Variants in CD44 observed in about 807,000 individuals in gnomAD.
CD44 encodes the protein CD44 antigen.
CD44 carries 49 observed loss-of-function variants against 88.8 expected under a neutral mutation model. That is an observed-to-expected ratio of 0.55 (90% CI 0.44 to 0.70). The LOEUF (loss-of-function observed/expected upper bound fraction) is 0.70. Ranked by LOEUF, CD44 falls within the 30% of genes least tolerant of loss-of-function variation. The pLI is 0.00. For synonymous variants in CD44, 325 were observed against 312.3 expected, an observed-to-expected ratio of 1.04 and a Z score of -0.43; for missense variants, 883 against 913.8, an observed-to-expected ratio of 0.97 and a Z score of 0.43.
intron 1 of CD44, among the ~76,000 whole-genome samples, chr11:35,158,470 T>C (rs897602454): frequency 6.6e-6 from 1 of 152,208 alleles, no homozygotes; most frequent in African/African-American, 2.4e-5. Context: ...AAAATAGAGT[T>C]GTAATATACC....
chr11:35,162,211 C>T (rs974178214), intron 1 of CD44, among the ~76,000 whole-genome samples: 1 of 152,102 alleles, frequency 6.6e-6, no homozygotes, highest in African/African-American at 2.4e-5. Context: ...ACTAATGGTG[C>T]TTTAAGAGGC....
intron 17 of CD44, among the ~76,000 whole-genome samples, chr11:35,224,436 C>T (rs1949549073): frequency 1.3e-5 from 2 of 152,114 alleles, no homozygotes; most frequent in African/African-American, 4.8e-5. Flanking sequence ...GAAGATTTTC[C>T]TTTAAAGAAT....
intron 1 of CD44, among the ~76,000 whole-genome samples, chr11:35,151,179 G>A (rs1026789287): frequency 6.6e-6 from 1 of 152,130 alleles, no homozygotes; most frequent in African/African-American, 2.4e-5. Context: ...TTAAAGTGGG[G>A]GAATAAGAAT....
At chr11:35,150,147 C>T (rs1038635193) in intron 1 of CD44, among the ~76,000 whole-genome samples, 1 of 152,208 alleles carries the variant, frequency 6.6e-6, no homozygotes, top group Non-Finnish European at 1.5e-5. Flanking sequence ...CTCAGAGCTT[C>T]ATGAGCACCT....
chr11:35,197,032 TGC>T lies in CD44; in HGVS notation c.796+159_796+160del. The T allele has an allele frequency of 4.5e-6, 3 of 665,142 alleles. No homozygotes were observed. The Admixed American group carries it at 8.4e-5, about 19-fold the overall frequency. 41.2% of individuals were successfully genotyped at this position (665,142 alleles called of 1,614,324 possible). ...TCATTAACTCTGGTATCTGTTTGTTTGCTTGTATGGCACCAATAAGCAGATTT... is the reference window on the plus strand; with the variant it reads ...TCATTAACTCTGGTATCTGTTTGTTTTTGTATGGCACCAATAAGCAGATTT... On this transcript the variant is annotated intron_variant, in intron 6 of 17. Transcript: ENST00000428726.
At chr11:35,228,738 G>C (rs373044499) in intron 17 of CD44, among the ~76,000 whole-genome samples, 102 of 152,280 alleles carry the variant, frequency 6.7e-4, no homozygotes, top group African/African-American at 2.1e-3. Context: ...TTAGTTGCTG[G>C]TTTGCAAACT....
In CD44 at chr11:35,186,866, C is replaced by T; in HGVS notation, c.402C>T (p.Asp134=). 1 of 1,607,622 alleles carries T rather than the reference C, an allele frequency of 6.2e-7. No homozygotes were observed. The highest frequency in any genetic ancestry group is 8.5e-7 in the Non-Finnish European group (1 of 1,174,148). ...AAGAAGATTGTACATCAGTCACAGA[C>T]CTGCCCAATGCCTTTGATGGACCAA... is the stretch of plus-strand genomic sequence containing the variant. ...PPEEDCTSVT[D]LPNAFDGPIT... The change falls in exon 4 of 18, where the codon GAC becomes GAT. Residue 134 remains aspartate, a synonymous_variant. Coordinates refer to ENST00000428726, the MANE Select transcript of CD44 (RefSeq NM_000610.4).
chr11:35,217,160 G>C (rs1948893596), intron 15 of CD44, among the ~76,000 whole-genome samples: 1 of 152,116 alleles, frequency 6.6e-6, no homozygotes, highest in African/African-American at 2.4e-5. Flanking sequence ...AAGCAGACAG[G>C]AGCCAGTCTC....
At chr11:35,190,097 A>G in intron 5 of CD44, 32 bp downstream of exon 5, 1 of 1,573,328 alleles carries the variant, frequency 6.4e-7, no homozygotes, top group South Asian at 1.1e-5. Flanking sequence ...GCTTCCCAAT[A>G]GCAATTCCCT....
chr11:35,145,501 G>C (rs1014369498), intron 1 of CD44, among the ~76,000 whole-genome samples: 4 of 152,036 alleles, frequency 2.6e-5, no homozygotes, highest in Non-Finnish European at 5.9e-5. Flanking sequence ...TTGCGGCTTT[G>C]GTGGCTGCCT....
At chr11:35,148,103 A>AG (rs1565003969) in intron 1 of CD44, among the ~76,000 whole-genome samples, 1 of 151,776 alleles carries the variant, frequency 6.6e-6, no homozygotes, top group Non-Finnish European at 1.5e-5. Flanking sequence ...AAAAAAAAAA[A>AG]GGTGCCAGGG....
chr11:35,166,973 G>A (rs1183972863), intron 1 of CD44, among the ~76,000 whole-genome samples: 1 of 152,230 alleles, frequency 6.6e-6, no homozygotes, highest in African/African-American at 2.4e-5. Flanking sequence ...CCCATCACAT[G>A]GGCATCAGGA....
Position 35,139,203 on chromosome 11 carries a change from G to T in CD44, c.-101G>T, listed in dbSNP as rs1347645347. 1.1e-6 allele frequency: 1 copy of T among 888,422 alleles called. No individual in the cohort carries two copies. The highest frequency in any genetic ancestry group is 1.7e-5 in the African/African-American group (1 of 60,428). The allele number at this position is 888,422 out of a possible 1,614,324, so 55.0% of individuals were successfully genotyped here. Reference sequence around the variant, plus strand: ...CCCAGCGGACCCCAGCCTCTGCCAGGTTCGGTCCGCCATCCTCGTCCCGTC... The same window carrying T: ...CCCAGCGGACCCCAGCCTCTGCCAGTTTCGGTCCGCCATCCTCGTCCCGTC... On this transcript the variant is annotated 5_prime_UTR_variant, in exon 1 of 18. Transcript: ENST00000428726.
intron 4 of CD44, 27 bp downstream of exon 4, chr11:35,186,927 A>C: frequency 7.0e-7 from 1 of 1,424,812 alleles, no homozygotes; most frequent in Non-Finnish European, 9.9e-7. Flanking sequence ...ATCTTAATTA[A>C]ATTTTCCTAT....
intron 15 of CD44, among the ~76,000 whole-genome samples, chr11:35,218,110 C>T (rs1362739117): frequency 1.3e-5 from 2 of 151,698 alleles, no homozygotes; most frequent in East Asian, 3.9e-4. Context: ...CTTTTAGAAC[C>T]ATTGTGTCTC....
At chr11:35,186,285 G>A (rs1945671226) in intron 3 of CD44, among the ~76,000 whole-genome samples, 1 of 152,146 alleles carries the variant, frequency 6.6e-6, no homozygotes, top group Non-Finnish European at 1.5e-5. Flanking sequence ...ATTCTTTGTT[G>A]TGATTATGTT....
intron 1 of CD44, among the ~76,000 whole-genome samples, chr11:35,169,583 C>T (rs12365903): frequency 7.9e-5 from 12 of 152,308 alleles, no homozygotes; most frequent in Middle Eastern, 3.4e-3. Context: ...TTTGGGAAGA[C>T]GTAGATAATG....
chr11:35,185,584 CTCT>C, intron 3 of CD44, among the ~76,000 whole-genome samples: 1 of 127,004 alleles, frequency 7.9e-6, no homozygotes, highest in South Asian at 2.3e-4. Context: ...CTCCCTCCCT[CTCT>C]CCATCCATCT....
At chr11:35,208,990 C>T (rs1159733363) in intron 12 of CD44, among the ~76,000 whole-genome samples, 1 of 152,168 alleles carries the variant, frequency 6.6e-6, no homozygotes, top group Non-Finnish European at 1.5e-5. Flanking sequence ...AATAGCACAG[C>T]GTTAAGCATC....
Sources: gnomAD v4.1 joint callset for allele counts (sites outside exome capture counted in the v4.1 genomes callset) on GRCh38, gnomAD v4.1.1 for gene constraint, MANE v1.5 for transcripts, NCBI Gene and HGNC (gene_info 2026-07-23, HGNC 2026-07-21) for gene names.